CNTNAP5: variants seen among roughly 807,000 people sequenced by gnomAD.
The protein encoded by CNTNAP5 is contactin associated protein family member 5.
A neutral mutation model predicts 150.2 loss-of-function variants in CNTNAP5; 72 were observed. The ratio of observed to expected loss-of-function variants is 0.48; its 90% CI spans 0.40 to 0.58. The LOEUF (loss-of-function observed/expected upper bound fraction) is 0.58, where lower values mean the gene tolerates loss of function less well. CNTNAP5 is among the 20% of genes least tolerant of loss of function. The pLI is 0.00. For synonymous variants in CNTNAP5, 672 were observed against 619.8 expected (o/e 1.08, Z -1.25); for missense variants, 1,636 against 1,626.2 (o/e 1.01, Z -0.10).
At chr2:124,373,772 G>A (rs1254902961) in intron 3 of CNTNAP5, among the ~76,000 whole-genome samples, 1 of 151,690 alleles carries the variant, frequency 6.6e-6, no homozygotes, top group African/African-American at 2.4e-5. Context: ...ATTTCTGTAT[G>A]AAGTTATTTA....
chr2:124,263,151 T>G (rs570204877), intron 3 of CNTNAP5, among the ~76,000 whole-genome samples: 1 of 152,328 alleles, frequency 6.6e-6, no homozygotes, highest in South Asian at 2.1e-4. Context: ...TTATAATCCT[T>G]TGGGTATATA....
chr2:124,267,340 T>C (rs1212494118), intron 3 of CNTNAP5, among the ~76,000 whole-genome samples: 2 of 152,196 alleles, frequency 1.3e-5, no homozygotes, highest in Non-Finnish European at 2.9e-5. Context: ...AATCCTCACC[T>C]TTGGGGTCAT....
intron 1 of CNTNAP5, among the ~76,000 whole-genome samples, chr2:124,088,357 A>T (rs1283118489): frequency 6.6e-6 from 1 of 151,964 alleles, no homozygotes; most frequent in African/African-American, 2.4e-5. Context: ...ATTTGTTTCC[A>T]GCGTGTTCAT....
intron 1 of CNTNAP5, among the ~76,000 whole-genome samples, chr2:124,215,444 T>G (rs1686131372): frequency 6.6e-6 from 1 of 151,362 alleles, no homozygotes; most frequent in Admixed American, 6.6e-5. Flanking sequence ...AATTCTCTGT[T>G]GTGCCTTTAC....
intron 19 of CNTNAP5, among the ~76,000 whole-genome samples, chr2:124,808,936 G>A (rs745481610): frequency 1.3e-5 from 2 of 151,958 alleles, no homozygotes; most frequent in Non-Finnish European, 2.9e-5. Context: ...GGGATCCCTA[G>A]CCTTATTTTG....
At chr2:124,361,663 G>C (rs56042512) in intron 3 of CNTNAP5, among the ~76,000 whole-genome samples, 23,505 of 125,934 alleles carry the variant, frequency 0.19, 2,585 homozygotes, top group Middle Eastern at 0.25. Context: ...GCAGTCTGCC[G>C]GTTCTCAGAT....
At chr2:124,665,830 G>A (rs1366954538) in intron 13 of CNTNAP5, among the ~76,000 whole-genome samples, 1 of 151,152 alleles carries the variant, frequency 6.6e-6, no homozygotes, top group Non-Finnish European at 1.5e-5. Context: ...AGCTTGCAGT[G>A]AGCCGAGATC....
intron 3 of CNTNAP5, among the ~76,000 whole-genome samples, chr2:124,287,258 G>T (rs1332340427): frequency 6.6e-6 from 1 of 152,084 alleles, no homozygotes; most frequent in Admixed American, 6.5e-5. Context: ...GAGGAAATGG[G>T]GTTCATGGTT....
At chr2:124,680,499 C>T (rs1679041744) in intron 13 of CNTNAP5, among the ~76,000 whole-genome samples, 1 of 151,884 alleles carries the variant, frequency 6.6e-6, no homozygotes, top group South Asian at 2.1e-4. Context: ...AGTTCTCAGA[C>T]CTGGGTCCCA....
At chr2:124,510,493 A>G (rs1418990051) in intron 8 of CNTNAP5, among the ~76,000 whole-genome samples, 2 of 120,400 alleles carry the variant, frequency 1.7e-5, no homozygotes, top group Admixed American at 1.8e-4. Context: ...ATATATATAT[A>G]TATATATATA....
At chr2:124,168,009 A>G (rs1684846205) in intron 1 of CNTNAP5, among the ~76,000 whole-genome samples, 1 of 152,184 alleles carries the variant, frequency 6.6e-6, no homozygotes, top group African/African-American at 2.4e-5. Context: ...TGTATGACCC[A>G]GGATAAGTCA....
rs188988133 is a variant in CNTNAP5 at position 124,424,729 on chromosome 2, G to A, written c.529+7139G>A. On this transcript the variant is annotated intron_variant, in intron 4 of 23. Transcript: ENST00000682447. ...ACAGTCAACAAACATTACCCAGTAGGCTCCCTCTGCTAGGCTTCAGAGATA... is the reference window on the plus strand; with the variant it reads ...ACAGTCAACAAACATTACCCAGTAGACTCCCTCTGCTAGGCTTCAGAGATA... Among the ~76,000 whole-genome samples, 451 of 152,226 alleles carry A rather than the reference G, an allele frequency of 3.0e-3. 2 individuals carry two copies. Among genetic ancestry groups the A allele is most frequent in the African/African-American group, 0.01 (432 of 41,524 alleles).
intron 19 of CNTNAP5, among the ~76,000 whole-genome samples, chr2:124,815,519 G>A (rs899875145): frequency 3.9e-5 from 6 of 152,140 alleles, no homozygotes; most frequent in African/African-American, 1.4e-4. Flanking sequence ...TCCCCAGAGC[G>A]GCCGAGCTTT....
chr2:124,312,753 G>A (rs982181237), intron 3 of CNTNAP5, among the ~76,000 whole-genome samples: 1 of 152,174 alleles, frequency 6.6e-6, no homozygotes, highest in Non-Finnish European at 1.5e-5. Flanking sequence ...TGTATTTTTA[G>A]TAGAGACGGG....
intron 8 of CNTNAP5, among the ~76,000 whole-genome samples, chr2:124,511,862 A>G (rs1020274246): frequency 6.6e-6 from 1 of 152,074 alleles, no homozygotes; most frequent in Non-Finnish European, 1.5e-5. Context: ...TGGTCTTAAA[A>G]AGGTTATGCT....
intron 1 of CNTNAP5, among the ~76,000 whole-genome samples, chr2:124,152,245 G>A (rs1684424307): frequency 6.6e-6 from 1 of 152,110 alleles, no homozygotes; most frequent in Non-Finnish European, 1.5e-5. Context: ...AAGAAGTGAA[G>A]CAACACAAAA....
chr2:124,316,317 C>A (rs777784175), intron 3 of CNTNAP5, among the ~76,000 whole-genome samples: 1 of 152,090 alleles, frequency 6.6e-6, no homozygotes, highest in Non-Finnish European at 1.5e-5. Context: ...TGATTCCAAG[C>A]GAAACCAGAT....
intron 3 of CNTNAP5, among the ~76,000 whole-genome samples, chr2:124,247,879 C>G (rs2104775812): frequency 6.6e-6 from 1 of 152,236 alleles, no homozygotes; most frequent in South Asian, 2.1e-4. Context: ...ATAATAAAGA[C>G]TACATGTAGG....
intron 3 of CNTNAP5, among the ~76,000 whole-genome samples, chr2:124,263,181 G>A (rs111773226): frequency 0.02 from 3,077 of 152,138 alleles, 107 homozygotes; most frequent in African/African-American, 0.069. Context: ...GAGATGGCTG[G>A]GTCAAACGGT....
Sources: gnomAD v4.1 joint callset for allele counts (sites outside exome capture counted in the v4.1 genomes callset) on GRCh38, gnomAD v4.1.1 for gene constraint, MANE v1.5 for transcripts, NCBI Gene and HGNC (gene_info 2026-07-23, HGNC 2026-07-21) for gene names.